The following ANKS1B variants were observed in gnomAD, a reference collection of about 807,000 sequenced individuals.
The protein encoded by ANKS1B is ankyrin repeat and sterile alpha motif domain-containing protein 1B.
In ANKS1B, 36 loss-of-function variants were observed where a neutral mutation model predicts 148.3. The observed-to-expected ratio is 0.24, with a 90% CI of 0.19 to 0.32. ANKS1B has a LOEUF of 0.32. ANKS1B is among the 10% of genes least tolerant of loss of function. ANKS1B has a pLI of 1.00. For synonymous variants in ANKS1B, 542 were observed against 560.8 expected, an observed-to-expected ratio of 0.97 and a Z score of 0.47; for missense variants, 1,157 against 1,542.6, an observed-to-expected ratio of 0.75 and a Z score of 4.19.
At chr12:99,128,297 A>G (rs1269795295) in intron 15 of ANKS1B, among the ~76,000 whole-genome samples, 2 of 152,148 alleles carry the variant, frequency 1.3e-5, no homozygotes, top group East Asian at 3.8e-4. Flanking sequence ...GAAAAGGCCT[A>G]GTTCAAACTC....
At position 99,192,601 on chromosome 12, in the gene ANKS1B, G is replaced by C. The variant is rs989470241; in HGVS notation, c.2420-38206C>G. On this transcript the variant is annotated intron_variant, in intron 14 of 26. Coordinates refer to ENST00000683438, the MANE Select transcript of ANKS1B (RefSeq NM_001352186.2). ...GGGGCTTATTTCTAATAACAACGAA[G>C]ATTAACCATTACACAAGGCATTCTA... Among the ~76,000 whole-genome samples the C allele has an allele frequency of 5.9e-5, 9 of 152,176 alleles. No individual in the cohort carries two copies. The East Asian group carries it at 1.7e-3, about 29-fold the overall frequency.
intron 9 of ANKS1B, among the ~76,000 whole-genome samples, chr12:99,511,740 G>T (rs1038789494): frequency 1.3e-5 from 2 of 151,860 alleles, no homozygotes; most frequent in Non-Finnish European, 2.9e-5. Context: ...ACAGAATAGA[G>T]AACTCAGAAA....
At chr12:99,635,184 G>C (rs2098220892) in intron 9 of ANKS1B, among the ~76,000 whole-genome samples, 1 of 152,170 alleles carries the variant, frequency 6.6e-6, no homozygotes. Flanking sequence ...AGCCACTATG[G>C]AAAACAGCAC....
intron 1 of ANKS1B, among the ~76,000 whole-genome samples, chr12:99,859,700 G>A (rs2089743861): frequency 6.6e-6 from 1 of 151,568 alleles, no homozygotes; most frequent in Non-Finnish European, 1.5e-5. Flanking sequence ...AGGCTGGAGT[G>A]CAGTGGCACA....
intron 16 of ANKS1B, among the ~76,000 whole-genome samples, chr12:99,075,984 A>G (rs999879982): frequency 6.6e-6 from 1 of 151,708 alleles, no homozygotes; most frequent in Non-Finnish European, 1.5e-5. Flanking sequence ...AGGTATCTCT[A>G]TATAAAAATC....
At chr12:99,909,961 C>T (rs1340564504) in intron 1 of ANKS1B, among the ~76,000 whole-genome samples, 1 of 152,146 alleles carries the variant, frequency 6.6e-6, no homozygotes, top group East Asian at 1.9e-4. Context: ...TTCCTCTGTC[C>T]ACCTAGAATA....
intron 8 of ANKS1B, among the ~76,000 whole-genome samples, chr12:99,707,871 T>A (rs973467184): frequency 6.6e-5 from 10 of 152,242 alleles, no homozygotes; most frequent in South Asian, 4.1e-4. Context: ...GCTGTCCTTA[T>A]CACACTGACT....
In ANKS1B at chr12:99,018,264, G is replaced by C. The variant is rs141635567; in HGVS notation, c.2778+34893C>G. On this transcript the variant is annotated intron_variant, in intron 17 of 26. Transcript: ENST00000683438. ...ATGGAATTAATATCCTTCTAAAAGAGGCCCAAGGGAGCTTGTTTGCCCCTT... is the reference window on the plus strand; with the variant it reads ...ATGGAATTAATATCCTTCTAAAAGACGCCCAAGGGAGCTTGTTTGCCCCTT... Among the ~76,000 whole-genome samples, 10 of 152,310 alleles carry C rather than the reference G, an allele frequency of 6.6e-5. No homozygotes were observed. In the East Asian group the frequency reaches 1.9e-3, roughly 29 times the overall value.
At chr12:98,894,808 G>C in intron 17 of ANKS1B, 1 of 984,080 alleles carries the variant, frequency 1.0e-6, no homozygotes, top group Non-Finnish European at 1.2e-6. Flanking sequence ...GAGGAAGGGC[G>C]GGAGAGGCGC....
At chr12:98,817,163 T>G (rs919664673) in intron 19 of ANKS1B, among the ~76,000 whole-genome samples, 2 of 152,272 alleles carry the variant, frequency 1.3e-5, no homozygotes, top group East Asian at 1.9e-4. Context: ...TTCTTCTGGA[T>G]GATAGTGCTT....
chr12:99,219,824 G>C (rs1026713639), intron 14 of ANKS1B, among the ~76,000 whole-genome samples: 1 of 152,170 alleles, frequency 6.6e-6, no homozygotes, highest in Admixed American at 6.5e-5. Flanking sequence ...AATTCCAGTT[G>C]ATGTATGAAT....
chr12:99,428,792 T>C (rs2095310632), intron 11 of ANKS1B, among the ~76,000 whole-genome samples: 1 of 152,094 alleles, frequency 6.6e-6, no homozygotes, highest in Non-Finnish European at 1.5e-5. Context: ...CATTTTATAC[T>C]AAGAGGAAGT....
At chr12:99,831,467 TAATA>T (rs202194169) in intron 1 of ANKS1B, among the ~76,000 whole-genome samples, 100 of 145,060 alleles carry the variant, frequency 6.9e-4, no homozygotes, top group Admixed American at 6.4e-3. Flanking sequence ...AGAAATTAAT[TAATA>T]GTTTGTACAA....
At chr12:99,865,031 G>A (rs1442502432) in intron 1 of ANKS1B, among the ~76,000 whole-genome samples, 1 of 152,208 alleles carries the variant, frequency 6.6e-6, no homozygotes, top group Non-Finnish European at 1.5e-5. Context: ...CAGGCAATAA[G>A]CATCAATGTT....
chr12:98,875,105 CT>C (rs2099684831), intron 17 of ANKS1B, among the ~76,000 whole-genome samples: 1 of 152,214 alleles, frequency 6.6e-6, no homozygotes. Flanking sequence ...TCATCCTAGA[CT>C]TTGCCCTCTT....
chr12:99,126,233 C>T (rs771340803), intron 15 of ANKS1B, among the ~76,000 whole-genome samples: 1 of 152,004 alleles, frequency 6.6e-6, no homozygotes, highest in Admixed American at 6.6e-5. Flanking sequence ...TAGGTTAATC[C>T]CTCTACGCAG....
At chr12:99,422,571 G>A (rs2095121469) in intron 11 of ANKS1B, among the ~76,000 whole-genome samples, 1 of 152,124 alleles carries the variant, frequency 6.6e-6, no homozygotes, top group Admixed American at 6.5e-5. Context: ...GTCCAAGTCA[G>A]AAGGAACATG....
At chr12:99,432,302 A>C (rs374672135) in intron 11 of ANKS1B, among the ~76,000 whole-genome samples, 1 of 152,174 alleles carries the variant, frequency 6.6e-6, no homozygotes, top group Non-Finnish European at 1.5e-5. Flanking sequence ...TCTAATGCCT[A>C]TTCAAACATA....
At chr12:99,800,043 T>C (rs529959281) in intron 4 of ANKS1B, among the ~76,000 whole-genome samples, 4 of 152,166 alleles carry the variant, frequency 2.6e-5, no homozygotes, top group Non-Finnish European at 5.9e-5. Context: ...GAATATGTTA[T>C]GGATTGAATA....
Sources: allele counts gnomAD v4.1 joint callset (sites outside exome capture counted in the v4.1 genomes callset), GRCh38; gene constraint gnomAD v4.1.1; transcripts MANE v1.5; gene names NCBI Gene and HGNC (gene_info 2026-07-23, HGNC 2026-07-21).